PDE4D: variants seen among roughly 807,000 people sequenced by gnomAD.
PDE4D encodes phosphodiesterase 4D, also known as 3',5'-cyclic-AMP phosphodiesterase 4D.
A neutral mutation model predicts 87.4 loss-of-function variants in PDE4D; 24 were observed. The observed-to-expected ratio is 0.27, with a 90% CI of 0.20 to 0.39. The LOEUF (loss-of-function observed/expected upper bound fraction) is 0.39, where lower values mean the gene tolerates loss of function less well. Among genes scored for constraint, PDE4D ranks in the 10% least tolerant of loss-of-function variants. PDE4D has a pLI of 1.00. For missense variants in PDE4D, 714 were observed against 1,041.0 expected, an observed-to-expected ratio of 0.69 and a Z score of 4.32; for synonymous variants, 384 against 383.2, an observed-to-expected ratio of 1.00 and a Z score of -0.02.
chr5:59,312,478 T>C (rs1416835028), intron 1 of PDE4D, among the ~76,000 whole-genome samples: 1 of 152,134 alleles, frequency 6.6e-6, no homozygotes, highest in East Asian at 1.9e-4. Flanking sequence ...TTGTGTCTAA[T>C]AGAGGTAATA....
intron 2 of PDE4D, 83 bp from the exon 3 acceptor site, chr5:59,193,619 C>T (rs1744801929): frequency 6.4e-7 from 1 of 1,572,058 alleles, no homozygotes; most frequent in African/African-American, 1.4e-5. Flanking sequence ...GCAAGTTCCA[C>T]TTTCATGAGT....
intron 1 of PDE4D, among the ~76,000 whole-genome samples, chr5:60,365,513 C>T (rs1215060722): frequency 6.6e-6 from 1 of 152,142 alleles, no homozygotes; most frequent in African/African-American, 2.4e-5. Flanking sequence ...CCTGCCCAAC[C>T]TGTGCAAGCA....
rs1478465319 is a variant in PDE4D, at chr5:58,972,665, A to ATGAT, written c.*1995_*1998dup. On this transcript the variant is annotated 3_prime_UTR_variant, in exon 15 of 15. Transcript: ENST00000340635. Reference sequence around the variant, plus strand: ...CAATTCTTGAATATCAATGTGAAAAATGATTATTTGGGCTTTAAAGTCTTC... The same window carrying ATGAT: ...CAATTCTTGAATATCAATGTGAAAAATGATTGATTATTTGGGCTTTAAAGTCTTC... 6.6e-6 allele frequency: 1 copy of ATGAT among 152,176 alleles called. No homozygotes were observed. Among genetic ancestry groups the ATGAT allele is most frequent in the African/African-American group, 2.4e-5 (1 of 41,444 alleles). 9.4% of individuals were successfully genotyped at this position (152,176 alleles called of 1,614,324 possible).
intron 1 of PDE4D, among the ~76,000 whole-genome samples, chr5:59,247,176 T>C (rs933319904): frequency 4.0e-5 from 6 of 149,440 alleles, no homozygotes; most frequent in Admixed American, 2.8e-4. Flanking sequence ...AGTTAGTAAC[T>C]GTAAAGGAGT....
intron 1 of PDE4D, among the ~76,000 whole-genome samples, chr5:59,767,713 G>C (rs1762975504): frequency 6.6e-6 from 1 of 152,138 alleles, no homozygotes; most frequent in Non-Finnish European, 1.5e-5. Context: ...CCTTTGGAAA[G>C]GCATGTTTAA....
chr5:59,904,381 G>C lies in PDE4D; in HGVS notation c.272+84107C>G, dbSNP rs573401696. 3.9e-5 allele frequency among the ~76,000 whole-genome samples: 6 copies of C among 152,238 alleles called. No homozygotes were observed. The South Asian group carries it at 8.3e-4, about 21-fold the overall frequency. On this transcript the variant is annotated intron_variant, in intron 3 of 16. Coordinates refer to the PDE4D transcript ENST00000502484. The stretch of plus-strand genomic sequence containing the variant: ...AAACCTTAAATAAACAGAAGAAGGG[G>C]AGTTTCTCTCCCACTTTGCTGGAAT...
intron 5 of PDE4D, among the ~76,000 whole-genome samples, chr5:59,110,937 G>A (rs1772518720): frequency 6.6e-6 from 1 of 152,164 alleles, no homozygotes; most frequent in Admixed American, 6.5e-5. Context: ...AAATGGCAGG[G>A]CTGGGATTCA....
chr5:60,049,944 G>T (rs1460313787), intron 2 of PDE4D, among the ~76,000 whole-genome samples: 1 of 152,242 alleles, frequency 6.6e-6, no homozygotes, highest in Admixed American at 6.5e-5. Flanking sequence ...CCTGGGCAAT[G>T]GTGGGCGCCC....
intron 2 of PDE4D, among the ~76,000 whole-genome samples, chr5:60,171,863 T>A (rs1369505492): frequency 6.6e-6 from 1 of 151,938 alleles, no homozygotes; most frequent in African/African-American, 2.4e-5. Flanking sequence ...ATACTAACTT[T>A]AAGGTTTTAA....
chr5:60,020,529 G>A (rs1765942820), intron 2 of PDE4D, among the ~76,000 whole-genome samples: 1 of 152,028 alleles, frequency 6.6e-6, no homozygotes, highest in South Asian at 2.1e-4. Flanking sequence ...CAGGCTGTAT[G>A]TATACATATA....
At chr5:59,091,615 C>T (rs969857652) in intron 5 of PDE4D, among the ~76,000 whole-genome samples, 2 of 151,812 alleles carry the variant, frequency 1.3e-5, no homozygotes, top group East Asian at 1.9e-4. Context: ...TGCATACATA[C>T]GTGGTAAATC....
At chr5:59,149,287 A>G (rs1251971626) in intron 5 of PDE4D, among the ~76,000 whole-genome samples, 1 of 152,200 alleles carries the variant, frequency 6.6e-6, no homozygotes, top group Non-Finnish European at 1.5e-5. Context: ...CTTAGGAGCC[A>G]GTAAGACTCT....
At chr5:60,045,096 T>G (rs1419362325) in intron 2 of PDE4D, among the ~76,000 whole-genome samples, 2 of 152,210 alleles carry the variant, frequency 1.3e-5, no homozygotes, top group Admixed American at 6.5e-5. Context: ...GGTTTTGATT[T>G]GCATTTCTCT....
At chr5:58,994,313 C>T (rs560523889) in intron 6 of PDE4D, among the ~76,000 whole-genome samples, 125 of 152,288 alleles carry the variant, frequency 8.2e-4, no homozygotes, top group African/African-American at 2.7e-3. Context: ...TTACCAGTAT[C>T]CAAATCTCCC....
chr5:59,845,301 C>A (rs1743671246), intron 1 of PDE4D, among the ~76,000 whole-genome samples: 1 of 152,092 alleles, frequency 6.6e-6, no homozygotes, highest in Non-Finnish European at 1.5e-5. Flanking sequence ...CCTCTGGTAA[C>A]TTCCACTCAG....
chr5:59,282,842 C>T (rs2153549047), intron 1 of PDE4D, among the ~76,000 whole-genome samples: 1 of 152,074 alleles, frequency 6.6e-6, no homozygotes, highest in Admixed American at 6.5e-5. Flanking sequence ...ATTAAAAATG[C>T]CAAAATAATC....
rs544489422 is a variant in PDE4D, at chr5:59,534,696, A to C, written c.456-318728T>G. On this transcript the variant is annotated intron_variant, in intron 1 of 14. Transcript: ENST00000340635. ...GAGTAGAGGATTTTGGGTTATTGGT[A>C]GGCAATGGAGAGCCAATGAGATTTC... Among the ~76,000 whole-genome samples, 7 of 152,200 alleles carry C rather than the reference A, an allele frequency of 4.6e-5. No homozygotes were observed. In the South Asian group the frequency reaches 1.2e-3, roughly 27 times the overall value.
chr5:59,278,306 A>G (rs1035455837), intron 1 of PDE4D, among the ~76,000 whole-genome samples: 1 of 152,066 alleles, frequency 6.6e-6, no homozygotes, highest in Non-Finnish European at 1.5e-5. Context: ...TCCTGTTAGC[A>G]TGCAAGCATA....
chr5:60,041,043 C>T (rs1768424014), intron 2 of PDE4D, among the ~76,000 whole-genome samples: 1 of 152,120 alleles, frequency 6.6e-6, no homozygotes, highest in African/African-American at 2.4e-5. Flanking sequence ...ATATTAGTAA[C>T]TTCAGTTTTA....
Sources: allele counts gnomAD v4.1 joint callset (sites outside exome capture counted in the v4.1 genomes callset), GRCh38; gene constraint gnomAD v4.1.1; transcripts MANE v1.5; gene names NCBI Gene and HGNC (gene_info 2026-07-23, HGNC 2026-07-21).